The following C7 variants were observed in gnomAD, a reference collection of about 807,000 sequenced individuals.
C7 encodes complement component C7.
Under a neutral mutation model 104.8 loss-of-function variants are expected in C7, and 83 were observed. That is an observed-to-expected ratio of 0.79 (90% CI 0.66 to 0.95). The LOEUF is 0.95. C7 is among the 40% of genes least tolerant of loss of function. C7 has a pLI of 0.00. For synonymous variants in C7, 415 were observed against 360.6 expected (o/e 1.15, Z -1.71); for missense variants, 1,070 against 1,011.2 (o/e 1.06, Z -0.79).
chr5:40,955,028 T>C (rs1740258544), intron 9 of C7: 1 of 233,358 alleles, frequency 4.3e-6, no homozygotes, highest in Non-Finnish European at 8.3e-6. Flanking sequence ...AGGCAAAGCC[T>C]TCCCCACTAT....
chr5:40,909,717 G>A, intron 1 of C7, 101 bp downstream of exon 1: 1 of 736,662 alleles, frequency 1.4e-6, no homozygotes, highest in Non-Finnish European at 2.1e-6. Flanking sequence ...ATACCTAACT[G>A]AAAGACATCA....
intron 14 of C7, among the ~76,000 whole-genome samples, chr5:40,969,513 T>C (rs1740644234): frequency 6.6e-6 from 1 of 152,232 alleles, no homozygotes; most frequent in Non-Finnish European, 1.5e-5. Flanking sequence ...GATGATGCTA[T>C]CTTCCTCTAG....
chr5:40,947,390 C>T (rs1029117886), intron 7 of C7, among the ~76,000 whole-genome samples: 2 of 151,952 alleles, frequency 1.3e-5, no homozygotes, highest in Admixed American at 1.3e-4. Flanking sequence ...CTGGCCATTA[C>T]TCAGATATTA....
chr5:40,979,803 CCA>C lies in C7; in HGVS notation c.2246_2247del (p.His749LeufsTer4). On this transcript the variant is annotated frameshift_variant, in exon 17 of 18. Coordinates refer to ENST00000313164, the MANE Select transcript of C7 (RefSeq NM_000587.4). LOFTEE classifies it high-confidence loss of function. ...TGACAGTTTGCAAGATGCATGTTCT[CCA>C]CTGTCAGGGTAGAAATTACACCCTT... is the stretch of plus-strand genomic sequence containing the variant. ...PLTVCKMHVL[H>X]CQGRNYTLTG... 6.2e-7 allele frequency: 1 copy of C among 1,613,484 alleles called. No homozygotes were observed. Among genetic ancestry groups the C allele is most frequent in the Non-Finnish European group, 8.5e-7 (1 of 1,179,502 alleles).
intron 1 of C7, among the ~76,000 whole-genome samples, chr5:40,922,379 A>G (rs1472414005): frequency 2.1e-4 from 28 of 134,282 alleles, no homozygotes; most frequent in African/African-American, 9.1e-4. Flanking sequence ...TGTCTCAAAA[A>G]AAAAAAAAAA....
rs372551834 is a variant in C7 at position 40,978,873 on chromosome 5, A to ATTTTTTTTTTTT, written c.2166-839_2166-828dup. Among the ~76,000 whole-genome samples, 738 of 79,996 alleles carry ATTTTTTTTTTTT rather than the reference A, an allele frequency of 9.2e-3. 50 individuals are homozygous for ATTTTTTTTTTTT. Among genetic ancestry groups the ATTTTTTTTTTTT allele is most frequent in the African/African-American group, 0.012 (281 of 23,416 alleles). The allele number at this position is 79,996 out of a possible 152,430, so 52.5% of individuals were successfully genotyped here. ...GAGGAAGGTAACACATTTTATGGAAATTTTTTTTTTTTTTTTTTTTTTTTG... is the reference window on the plus strand; with the variant it reads ...GAGGAAGGTAACACATTTTATGGAAATTTTTTTTTTTTTTTTTTTTTTTTTTTTTTTTTTTTG... On this transcript the variant is annotated intron_variant, in intron 16 of 17. Transcript: ENST00000313164.
intron 17 of C7, 82 bp from the exon 18 acceptor site, chr5:40,981,310 A>T: frequency 3.1e-6 from 4 of 1,303,858 alleles, no homozygotes; most frequent in Non-Finnish European, 4.3e-6. Context: ...TCTGATCACC[A>T]CATTATTACT....
At chr5:40,956,744 C>T (rs1208778193) in intron 10 of C7, among the ~76,000 whole-genome samples, 1 of 152,214 alleles carries the variant, frequency 6.6e-6, no homozygotes, top group Non-Finnish European at 1.5e-5. Context: ...AAGTCCCCTC[C>T]TAACACCCAT....
intron 11 of C7, 38 bp downstream of exon 11, chr5:40,958,299 A>G (rs535406749): frequency 2.3e-6 from 3 of 1,288,338 alleles, no homozygotes; most frequent in African/African-American, 1.5e-5. Context: ...CCCTGTACAC[A>G]TTGAAAGGGA....
intron 12 of C7, among the ~76,000 whole-genome samples, chr5:40,961,083 T>C (rs1740409762): frequency 6.6e-6 from 1 of 152,214 alleles, no homozygotes; most frequent in Admixed American, 6.5e-5. Context: ...GAAAAAAATG[T>C]AGACACTAAG....
Position 40,912,137 on chromosome 5 carries a change from T to A in C7, c.6+2521T>A, listed in dbSNP as rs183496557. Among the ~76,000 whole-genome samples the A allele has an allele frequency of 1.1e-3, 163 of 152,290 alleles. No homozygotes were observed. The Middle Eastern group carries it at 0.014, about 13-fold the overall frequency. ...CATTCACATGATTTATTTGTGTTTG[T>A]TCTATCTCTCTTGTTCATTTATAAG... On this transcript the variant is annotated intron_variant, in intron 1 of 17. Coordinates refer to ENST00000313164, the MANE Select transcript of C7 (RefSeq NM_000587.4).
At chr5:40,918,280 A>C (rs1394691195) in intron 1 of C7, among the ~76,000 whole-genome samples, 1 of 151,956 alleles carries the variant, frequency 6.6e-6, no homozygotes. Flanking sequence ...GCATCATTTG[A>C]GCCTGGGAGG....
At chr5:40,938,430 G>T (rs955841888) in intron 6 of C7, among the ~76,000 whole-genome samples, 8 of 152,006 alleles carry the variant, frequency 5.3e-5, no homozygotes, top group Non-Finnish European at 1.0e-4. Context: ...GCTGTTGCAG[G>T]TGGCATTTTT....
intron 1 of C7, among the ~76,000 whole-genome samples, chr5:40,923,695 G>A (rs995533105): frequency 2.6e-5 from 4 of 151,602 alleles, no homozygotes; most frequent in Admixed American, 6.6e-5. Flanking sequence ...GCAGTGAGCC[G>A]AGATTGTGCC....
Position 40,947,724 on chromosome 5 carries a change from T to G in C7, c.861T>G (p.Tyr287Ter). 6.2e-7 allele frequency: 1 copy of G among 1,613,820 alleles called. No homozygotes were observed. Among genetic ancestry groups the G allele is most frequent in the Non-Finnish European group, 8.5e-7 (1 of 1,179,780 alleles). ...AGCTTTCCCACCTCCCCTCTCTGTA[T>G]GACTACAGTGCCTACCGAAGATTAA... Reference protein sequence around the residue: ...WKELSHLPSLYDYSAYRRLID... With the variant: ...WKELSHLPSL Residue 287 changes from tyrosine to a stop codon, truncating the protein, a stop_gained, in exon 8 of 18, where the codon TAT becomes TAG. Transcript: ENST00000313164. LOFTEE classifies it high-confidence loss of function.
chr5:40,915,074 G>A (rs1055533149), intron 1 of C7, among the ~76,000 whole-genome samples: 2 of 152,126 alleles, frequency 1.3e-5, no homozygotes, highest in Non-Finnish European at 2.9e-5. Context: ...GGTGAGAATC[G>A]AAAGTGATTA....
chr5:40,983,239 G>T lies in C7; in HGVS notation c.*1666G>T, dbSNP rs1232942392. Among the ~76,000 whole-genome samples, 2 of 152,162 alleles carry T rather than the reference G, an allele frequency of 1.3e-5. No individual in the cohort carries two copies. The highest frequency in any genetic ancestry group is 2.9e-5 in the Non-Finnish European group (2 of 68,022). On this transcript the variant is annotated 3_prime_UTR_variant, in exon 18 of 18. Coordinates refer to ENST00000313164, the MANE Select transcript of C7 (RefSeq NM_000587.4). ...CCTGGATGCAGACCCTGAGACAAAA[G>T]GTTGAACAAGTAATTCATTTGGAAG...
chr5:40,946,361 C>T (rs190214449), intron 7 of C7, among the ~76,000 whole-genome samples: 16 of 152,094 alleles, frequency 1.1e-4, no homozygotes, highest in Non-Finnish European at 2.1e-4. Flanking sequence ...CATTTCATCA[C>T]ATCTTAAAGT....
chr5:40,984,084 T>C lies in C7; in HGVS notation c.*2511T>C, dbSNP rs551670241. ...CTACAAGTTACCTGGGCAGAGAAGG[T>C]GCCTGAGAATATTTCCTAATCGTTT... is the stretch of plus-strand genomic sequence containing the variant. On this transcript the variant is annotated 3_prime_UTR_variant, in exon 18 of 18. Transcript: ENST00000313164. Among the ~76,000 whole-genome samples, 54 of 152,284 alleles carry C rather than the reference T, an allele frequency of 3.5e-4. No homozygotes were observed. Among genetic ancestry groups the C allele is most frequent in the African/African-American group, 1.3e-3 (54 of 41,556 alleles).
Sources: gnomAD v4.1 joint callset for allele counts (sites outside exome capture counted in the v4.1 genomes callset) on GRCh38, gnomAD v4.1.1 for gene constraint, MANE v1.5 for transcripts, NCBI Gene and HGNC (gene_info 2026-07-23, HGNC 2026-07-21) for gene names.